Variants in AGTPBP1 observed in about 807,000 individuals in gnomAD.
The protein encoded by AGTPBP1 is ATP/GTP binding carboxypeptidase 1.
A neutral mutation model predicts 143.9 loss-of-function variants in AGTPBP1; 70 were observed. The ratio of observed to expected loss-of-function variants is 0.49; its 90% CI spans 0.40 to 0.59. The LOEUF is 0.59. Ranked by LOEUF, AGTPBP1 falls within the 20% of genes least tolerant of loss-of-function variation. The probability of loss-of-function intolerance (pLI) is 0.00; values close to 1 mark genes in which losing one functional copy is unlikely to be tolerated. For synonymous variants in AGTPBP1, 463 were observed against 500.2 expected (o/e 0.93, Z 0.99); for missense variants, 1,229 against 1,464.5 (o/e 0.84, Z 2.62).
chr9:85,621,116 C>A, intron 15 of AGTPBP1, 86 bp downstream of exon 15: 2 of 690,728 alleles, frequency 2.9e-6, no homozygotes, highest in Non-Finnish European at 4.3e-6. Flanking sequence ...CAACATTTTT[C>A]ACAGAATTTT....
intron 1 of AGTPBP1, among the ~76,000 whole-genome samples, chr9:85,719,978 T>C (rs574305661): frequency 3.9e-5 from 6 of 152,370 alleles, no homozygotes; most frequent in African/African-American, 1.4e-4. Flanking sequence ...GATTTGCGTA[T>C]GTTGAACCAG....
chr9:85,699,096 G>A (rs1836477081), intron 2 of AGTPBP1, among the ~76,000 whole-genome samples: 1 of 152,072 alleles, frequency 6.6e-6, no homozygotes, highest in South Asian at 2.1e-4. Context: ...CGATCAATGT[G>A]TAACACATCA....
the AGTPBP1 span, among the ~76,000 whole-genome samples, chr9:85,769,983 A>G: frequency 2.0e-5 from 3 of 152,244 alleles, no homozygotes; most frequent in African/African-American, 7.2e-5. Flanking sequence ...GGAACATTTC[A>G]GAACTCCCCT....
At chr9:85,744,297 A>T (rs529297285), upstream of AGTPBP1, among the ~76,000 whole-genome samples, 8 of 152,294 alleles carry the variant, frequency 5.3e-5, no homozygotes, top group East Asian at 3.9e-4. Flanking sequence ...CTAGGTTTTA[A>T]TAGTTTTGGA....
At chr9:85,661,076 C>T in intron 8 of AGTPBP1, 103 bp from the exon 9 acceptor site, 1 of 1,000,792 alleles carries the variant, frequency 1.0e-6, no homozygotes, top group African/African-American at 1.7e-5. Context: ...ATTCTATTAT[C>T]TATTCCAAAG....
At chr9:85,648,010 G>T (rs1251899041) in intron 11 of AGTPBP1, among the ~76,000 whole-genome samples, 3 of 152,100 alleles carry the variant, frequency 2.0e-5, no homozygotes, top group Non-Finnish European at 4.4e-5. Flanking sequence ...CGGGTGGAAG[G>T]TGACCAACAA....
At chr9:85,764,652 G>A in the AGTPBP1 span, 2 of 637,766 alleles carry the variant, frequency 3.1e-6, no homozygotes, top group Admixed American at 5.4e-5. Flanking sequence ...TAATTTTTAT[G>A]CAGTCTAGAT....
chr9:85,612,304 G>A (rs1830360881), intron 17 of AGTPBP1, among the ~76,000 whole-genome samples: 1 of 152,110 alleles, frequency 6.6e-6, no homozygotes, highest in Non-Finnish European at 1.5e-5. Context: ...GAAAGGAAAG[G>A]AGATGTAAAC....
intron 2 of AGTPBP1, among the ~76,000 whole-genome samples, chr9:85,701,557 T>C (rs1295358593): frequency 6.6e-6 from 1 of 152,170 alleles, no homozygotes; most frequent in Admixed American, 6.5e-5. Flanking sequence ...AAAGTAGATG[T>C]TTATAAAGAA....
At chr9:85,715,611 G>C (rs1837653828) in intron 1 of AGTPBP1, among the ~76,000 whole-genome samples, 1 of 152,142 alleles carries the variant, frequency 6.6e-6, no homozygotes, top group Admixed American at 6.5e-5. Flanking sequence ...TGCTTTCTAG[G>C]CTTAAGAGTC....
chr9:85,804,852 A>G, the AGTPBP1 span, among the ~76,000 whole-genome samples: 15 of 152,214 alleles, frequency 9.9e-5, no homozygotes, highest in Non-Finnish European at 2.1e-4. Context: ...CTTGACTTGC[A>G]GGACCATCCC....
At chr9:85,553,053 T>C (rs920453587) in intron 25 of AGTPBP1, among the ~76,000 whole-genome samples, 14 of 152,218 alleles carry the variant, frequency 9.2e-5, no homozygotes, top group African/African-American at 3.1e-4. Flanking sequence ...TTTATTCCTA[T>C]CTTGTGAGAG....
intron 3 of AGTPBP1, among the ~76,000 whole-genome samples, chr9:85,681,773 G>A (rs1050827344): frequency 4.2e-5 from 5 of 120,304 alleles, no homozygotes; most frequent in African/African-American, 1.4e-4. Context: ...TTTTTGAGAC[G>A]GAGTCTCATT....
chr9:85,664,783 G>A (rs547396089), intron 8 of AGTPBP1, among the ~76,000 whole-genome samples: 1 of 152,222 alleles, frequency 6.6e-6, no homozygotes, highest in South Asian at 2.1e-4. Context: ...ATCATGTTAA[G>A]AAGGTCTCAA....
In AGTPBP1 at chr9:85,619,218, C is replaced by G; in HGVS notation, c.2183G>C (p.Arg728Thr). 1 of 1,612,032 alleles carries G rather than the reference C, an allele frequency of 6.2e-7. No individual in the cohort carries two copies. Among genetic ancestry groups the G allele is most frequent in the Non-Finnish European group, 8.5e-7 (1 of 1,179,142 alleles). ...SGNLRKVIQIRKNEYDLILNS... is the reference protein window; with the variant it reads ...SGNLRKVIQITKNEYDLILNS... ...GAGAAAATCTTAAGTGACTTACTTT[C>G]TAATTTGAATTACTTTGCGCAGATT... is the stretch of plus-strand genomic sequence containing the variant. The change falls in exon 16 of 26, where the codon AGA becomes ACA. Residue 728 changes from arginine (R) to threonine (T), a missense_variant. By Grantham distance (71) the Arg-to-Thr change is moderately conservative (BLOSUM62 -1). Around this residue, in one of 2 missense-constraint regions of AGTPBP1, gnomAD observed 486 missense variants for 652.3 expected, o/e 0.75. Coordinates refer to ENST00000357081, the MANE Select transcript of AGTPBP1 (RefSeq NM_001330701.2).
At chr9:85,592,014 C>T (rs1828999929) in intron 19 of AGTPBP1, among the ~76,000 whole-genome samples, 1 of 152,152 alleles carries the variant, frequency 6.6e-6, no homozygotes, top group Non-Finnish European at 1.5e-5. Context: ...CTCTTATACC[C>T]TAGATTCTTA....
intron 2 of AGTPBP1, among the ~76,000 whole-genome samples, chr9:85,704,022 A>G (rs1836831120): frequency 6.6e-6 from 1 of 152,228 alleles, no homozygotes; most frequent in Non-Finnish European, 1.5e-5. Context: ...AGAAGCAAAA[A>G]TAAAATAAAT....
chr9:85,650,367 A>G (rs1407480919), intron 11 of AGTPBP1, among the ~76,000 whole-genome samples: 2 of 151,954 alleles, frequency 1.3e-5, no homozygotes, highest in Non-Finnish European at 2.9e-5. Flanking sequence ...TCCTCAGTCT[A>G]TTCAATGTGT....
chr9:85,585,598 G>A lies in AGTPBP1; in HGVS notation c.3034-4C>T. ...GGCCATGATAATCACAATAAACCTTGAAAATATATATTTTAAAAATTAAAA... is the reference window on the plus strand; with the variant it reads ...GGCCATGATAATCACAATAAACCTTAAAAATATATATTTTAAAAATTAAAA... On this transcript the variant is annotated splice_polypyrimidine_tract_variant and splice_region_variant and intron_variant, in intron 22 of 25. Coordinates refer to ENST00000357081, the MANE Select transcript of AGTPBP1 (RefSeq NM_001330701.2). The A allele has an allele frequency of 6.3e-7, 1 of 1,578,566 alleles. No individual in the cohort carries two copies. The highest frequency in any genetic ancestry group is 8.6e-7 in the Non-Finnish European group (1 of 1,166,334).
Sources: gnomAD v4.1 joint callset for allele counts (sites outside exome capture counted in the v4.1 genomes callset) on GRCh38, gnomAD v4.1.1 for gene constraint, gnomAD v4.1.1 regional missense constraint, MANE v1.5 for transcripts, NCBI Gene and HGNC (gene_info 2026-07-23, HGNC 2026-07-21) for gene names.